The following SMAP1 variants were observed in gnomAD, a reference collection of about 807,000 sequenced individuals.
The protein encoded by SMAP1 is stromal membrane-associated protein 1.
Under a neutral mutation model 58.5 loss-of-function variants are expected in SMAP1, and 24 were observed. The ratio of observed to expected loss-of-function variants is 0.41; its 90% confidence interval spans 0.30 to 0.58. SMAP1 has a LOEUF of 0.58. Ranked by LOEUF, SMAP1 falls within the 20% of genes least tolerant of loss-of-function variation. The pLI is 0.29. For missense variants in SMAP1, 563 were observed against 566.3 expected (o/e 0.99, Z 0.06); for synonymous variants, 216 against 196.6 (o/e 1.10, Z -0.82).
rs564105887 is a variant in SMAP1 at position 70,671,935 on chromosome 6, T to C, written c.118+3794T>C. 3.9e-5 allele frequency among the ~76,000 whole-genome samples: 6 copies of C among 152,374 alleles called. No individual in the cohort carries two copies. The South Asian group carries it at 1.0e-3, about 26-fold the overall frequency. ...GAGCATGTTTAAATTGGTATGAAAG[T>C]GAGTCTCTTGCCCATTCAATTTTGG... On this transcript the variant is annotated intron_variant, in intron 1 of 10. Coordinates refer to ENST00000370455, the MANE Select transcript of SMAP1 (RefSeq NM_001044305.3).
At chr6:70,828,238 ACT>A (rs1770219085) in intron 6 of SMAP1, among the ~76,000 whole-genome samples, 1 of 152,196 alleles carries the variant, frequency 6.6e-6, no homozygotes, top group African/African-American at 2.4e-5. Flanking sequence ...GATAATATTA[ACT>A]CATGAATTTT....
chr6:70,814,680 T>C (rs1029836430), intron 6 of SMAP1, among the ~76,000 whole-genome samples: 1 of 152,120 alleles, frequency 6.6e-6, no homozygotes, highest in African/African-American at 2.4e-5. Flanking sequence ...AAGCAGGCCT[T>C]AGGACTAAGG....
chr6:70,816,045 T>C (rs1178187869), intron 6 of SMAP1, among the ~76,000 whole-genome samples: 1 of 152,074 alleles, frequency 6.6e-6, no homozygotes, highest in Non-Finnish European at 1.5e-5. Flanking sequence ...TATGATACAA[T>C]AGGAGACAGA....
At chr6:70,697,880 A>C (rs1195810140) in intron 1 of SMAP1, among the ~76,000 whole-genome samples, 1 of 152,166 alleles carries the variant, frequency 6.6e-6, no homozygotes, top group African/African-American at 2.4e-5. Flanking sequence ...GAAAAGATGT[A>C]GTTATTTTCT....
intron 2 of SMAP1, 103 bp downstream of exon 2, chr6:70,732,614 A>C (rs1171428142): frequency 4.0e-5 from 41 of 1,021,574 alleles, no homozygotes; most frequent in Non-Finnish European, 4.7e-5. Flanking sequence ...GTAGTTTTGT[A>C]TGTTGAAATG....
At chr6:70,722,168 T>C (rs944320470) in intron 1 of SMAP1, among the ~76,000 whole-genome samples, 5 of 152,344 alleles carry the variant, frequency 3.3e-5, no homozygotes, top group Non-Finnish European at 7.3e-5. Flanking sequence ...TACTGTTAGA[T>C]TGAAATTAGA....
chr6:70,783,499 ACTC>A (rs772672253), intron 4 of SMAP1, among the ~76,000 whole-genome samples: 1 of 152,094 alleles, frequency 6.6e-6, no homozygotes, highest in Non-Finnish European at 1.5e-5. Flanking sequence ...CGAACAAACT[ACTC>A]CGAGCTACGG....
At chr6:70,845,385 G>C (rs1482174274) in intron 7 of SMAP1, among the ~76,000 whole-genome samples, 1 of 152,166 alleles carries the variant, frequency 6.6e-6, no homozygotes, top group Non-Finnish European at 1.5e-5. Flanking sequence ...TATCATTGAG[G>C]GAAAAGATGG....
At position 70,858,059 on chromosome 6, in the gene SMAP1, A is replaced by ATGG; in HGVS notation, c.1103_1105dup (p.Val368dup). The ATGG allele has an allele frequency of 6.2e-7, 1 of 1,614,096 alleles. No homozygotes were observed. ...TGTGATGGGACAGAGTCCAAGCATG[A>ATGG]TGGTGGGCATGCCCATGCCCAATGG... On this transcript the variant is annotated inframe_insertion, in exon 10 of 11. Coordinates refer to ENST00000370455, the MANE Select transcript of SMAP1 (RefSeq NM_001044305.3).
intron 7 of SMAP1, among the ~76,000 whole-genome samples, chr6:70,848,725 T>C (rs758129028): frequency 1.3e-5 from 2 of 152,270 alleles, no homozygotes; most frequent in African/African-American, 2.4e-5. Flanking sequence ...ATAATGATGG[T>C]AATGATAACG....
At chr6:70,764,862 C>T (rs566062017) in intron 3 of SMAP1, among the ~76,000 whole-genome samples, 5 of 151,994 alleles carry the variant, frequency 3.3e-5, no homozygotes, top group Non-Finnish European at 5.9e-5. Context: ...TGCAGTGGTG[C>T]GATCATAGTT....
intron 4 of SMAP1, among the ~76,000 whole-genome samples, chr6:70,780,146 A>C (rs1767702826): frequency 6.6e-6 from 1 of 152,196 alleles, no homozygotes; most frequent in Non-Finnish European, 1.5e-5. Context: ...GTGTTTATAC[A>C]GAGTGTATAT....
intron 10 of SMAP1, 34 bp downstream of exon 10, chr6:70,858,263 T>C: frequency 1.8e-6 from 1 of 545,830 alleles, no homozygotes; most frequent in Non-Finnish European, 3.2e-6. Context: ...TTCTCCCAAA[T>C]CAAACCAGAT....
intron 1 of SMAP1, among the ~76,000 whole-genome samples, chr6:70,702,399 G>A (rs7740106): frequency 0.056 from 8,311 of 149,692 alleles, 319 homozygotes; most frequent in Non-Finnish European, 0.083. Flanking sequence ...TGGGGAGGGG[G>A]TCTGTTTATT....
intron 3 of SMAP1, among the ~76,000 whole-genome samples, chr6:70,769,538 G>A (rs1039974265): frequency 2.0e-5 from 3 of 152,174 alleles, no homozygotes; most frequent in African/African-American, 7.2e-5. Flanking sequence ...ATCTGTGTTG[G>A]TTTGAAGTCT....
At chr6:70,728,240 G>T (rs1224235852) in intron 1 of SMAP1, among the ~76,000 whole-genome samples, 1 of 152,152 alleles carries the variant, frequency 6.6e-6, no homozygotes, top group African/African-American at 2.4e-5. Flanking sequence ...TGGAAAAGGG[G>T]AAGAGGCCAG....
chr6:70,754,308 G>A (rs1417992359), intron 2 of SMAP1, among the ~76,000 whole-genome samples: 1 of 152,130 alleles, frequency 6.6e-6, no homozygotes, highest in African/African-American at 2.4e-5. Context: ...TGGTTGAAAT[G>A]ATTATCAAAT....
In SMAP1 at chr6:70,756,994, T is replaced by C. The variant is rs1766520064; in HGVS notation, c.338+1929T>C. Reference sequence around the variant, plus strand: ...ATCCCCATCAAGCTACCAATGACTTTCTTCACAGAATTGGAAAAAACTACT... The same window carrying C: ...ATCCCCATCAAGCTACCAATGACTTCCTTCACAGAATTGGAAAAAACTACT... On this transcript the variant is annotated intron_variant, in intron 3 of 10. Coordinates refer to ENST00000370455, the MANE Select transcript of SMAP1 (RefSeq NM_001044305.3). 3.3e-5 allele frequency among the ~76,000 whole-genome samples: 5 copies of C among 152,240 alleles called. No individual in the cohort carries two copies. The South Asian group carries it at 8.3e-4, about 25-fold the overall frequency.
At chr6:70,725,445 T>C (rs1014103478) in intron 1 of SMAP1, among the ~76,000 whole-genome samples, 8 of 152,040 alleles carry the variant, frequency 5.3e-5, no homozygotes, top group African/African-American at 1.9e-4. Context: ...TCCTGGTAGT[T>C]CACAAACATA....
Sources: gnomAD v4.1 joint callset for allele counts (sites outside exome capture counted in the v4.1 genomes callset) on GRCh38, gnomAD v4.1.1 for gene constraint, MANE v1.5 for transcripts, NCBI Gene and HGNC (gene_info 2026-07-23, HGNC 2026-07-21) for gene names.